Variants in EIF2A observed in about 807,000 individuals in gnomAD.
EIF2A encodes 65 kDa eukaryotic translation initiation factor 2A.
A neutral mutation model predicts 75.2 loss-of-function variants in EIF2A; 62 were observed. That is an observed-to-expected ratio of 0.82 (90% CI 0.67 to 1.02). The LOEUF (loss-of-function observed/expected upper bound fraction) is 1.02, where lower values mean the gene tolerates loss of function less well. EIF2A is among the 50% of genes least tolerant of loss of function. The pLI is 0.00. For missense variants in EIF2A, 611 were observed against 677.7 expected, an observed-to-expected ratio of 0.90 and a Z score of 1.09; for synonymous variants, 207 against 239.0, an observed-to-expected ratio of 0.87 and a Z score of 1.23.
intron 9 of EIF2A, among the ~76,000 whole-genome samples, chr3:150,571,242 C>T (rs543873291): frequency 5.9e-5 from 9 of 151,736 alleles, no homozygotes; most frequent in African/African-American, 1.9e-4. Flanking sequence ...CAGGTTCAAG[C>T]GCTTCTCCTG....
rs1724304736 is a variant in EIF2A, at chr3:150,568,305, G to C, written c.811+13G>C. 6.3e-7 allele frequency: 1 copy of C among 1,582,970 alleles called. No individual in the cohort carries two copies. The highest frequency in any genetic ancestry group is 1.4e-5 in the African/African-American group (1 of 73,902). ...GTAGTGCAATTACGTGAGTATTCCAGCAGTCTTCCTTTGATTAGAAACAAT... is the reference window on the plus strand; with the variant it reads ...GTAGTGCAATTACGTGAGTATTCCACCAGTCTTCCTTTGATTAGAAACAAT... On this transcript the variant is annotated intron_variant, in intron 9 of 13. Coordinates refer to ENST00000460851, the MANE Select transcript of EIF2A (RefSeq NM_032025.5).
In EIF2A at chr3:150,576,284, T is replaced by C. The variant is rs75453689; in HGVS notation, c.1497+522T>C. ...GAGACCCCCATCTCTATGAAAAATT[T>C]TTTGCTGGGCACAATGGCGTGTACC... On this transcript the variant is annotated intron_variant, in intron 11 of 13. Transcript: ENST00000460851. 3.0e-3 allele frequency among the ~76,000 whole-genome samples: 457 copies of C among 152,008 alleles called. 6 individuals are homozygous for C. Among genetic ancestry groups the C allele is most frequent in the African/African-American group, 0.01 (428 of 41,448 alleles).
intron 10 of EIF2A, among the ~76,000 whole-genome samples, chr3:150,573,662 G>A (rs1724676981): frequency 6.6e-6 from 1 of 152,082 alleles, no homozygotes; most frequent in East Asian, 1.9e-4. Context: ...TATATGCCCA[G>A]TAATTAGAAA....
chr3:150,574,678 T>C (rs1724754839), intron 10 of EIF2A, among the ~76,000 whole-genome samples: 1 of 152,240 alleles, frequency 6.6e-6, no homozygotes, highest in South Asian at 2.1e-4. Context: ...AAATAGTTAA[T>C]GCATTTGCTA....
At chr3:150,552,560 A>G (rs901439851) in intron 2 of EIF2A, 135 bp downstream of exon 2, 4 of 666,576 alleles carry the variant, frequency 6.0e-6, no homozygotes, top group African/African-American at 1.8e-5. Flanking sequence ...TTTACCGAAG[A>G]TGAAAAGAAT....
rs1384675599 is a variant in EIF2A, at chr3:150,575,499, G to A, written c.1384-150G>A. ...AAATCCATCCTGACAGTTGGAGTGT[G>A]CCACTACCAATGAGTTTCAAAATAA... On this transcript the variant is annotated intron_variant, in intron 10 of 13. Coordinates refer to ENST00000460851, the MANE Select transcript of EIF2A (RefSeq NM_032025.5). The A allele has an allele frequency of 6.9e-6, 4 of 583,484 alleles. No homozygotes were observed. In the East Asian group the frequency reaches 1.3e-4, roughly 19 times the overall value. 36.1% of individuals were successfully genotyped at this position (583,484 alleles called of 1,614,324 possible). A position where few individuals can be genotyped will look rare whatever the true frequency, so the allele number is the denominator to read the frequency against.
intron 4 of EIF2A, 53 bp downstream of exon 4, chr3:150,562,713 G>T: frequency 1.5e-6 from 2 of 1,361,606 alleles, no homozygotes; most frequent in South Asian, 2.5e-5. Flanking sequence ...TACGTTTAGT[G>T]GGGGGGAAAA....
intron 13 of EIF2A, 37 bp downstream of exon 13, chr3:150,583,302 C>A (rs1179906054): frequency 3.6e-5 from 57 of 1,583,110 alleles, no homozygotes; most frequent in Non-Finnish European, 4.8e-5. Flanking sequence ...TTGTGGTGAC[C>A]ACCAGCCTTC....
chr3:150,561,307 G>T (rs1200806412), intron 3 of EIF2A, among the ~76,000 whole-genome samples: 1 of 152,144 alleles, frequency 6.6e-6, no homozygotes, highest in Non-Finnish European at 1.5e-5. Context: ...GCCGGACACG[G>T]TGGCTCATAC....
rs1282535825 is a variant in EIF2A at position 150,567,899 on chromosome 3, T to C, written c.550-3T>C. On this transcript the variant is annotated splice_region_variant and splice_polypyrimidine_tract_variant and intron_variant, in intron 7 of 13. Transcript: ENST00000460851. ...AGTAATGATTTATGTCTATGTATCT[T>C]AGGTGGCTGTCTATGTTCCAGGAAG... 1.9e-6 allele frequency: 3 copies of C among 1,601,262 alleles called. No homozygotes were observed. The highest frequency in any genetic ancestry group is 2.5e-6 in the Non-Finnish European group (3 of 1,176,574).
At chr3:150,551,126 TA>T (rs1723293466) in intron 1 of EIF2A, among the ~76,000 whole-genome samples, 1 of 152,180 alleles carries the variant, frequency 6.6e-6, no homozygotes, top group African/African-American at 2.4e-5. Flanking sequence ...ACAAAACACT[TA>T]AGGATGCTTT....
chr3:150,574,670 AT>A (rs1243211826), intron 10 of EIF2A, among the ~76,000 whole-genome samples: 2 of 152,218 alleles, frequency 1.3e-5, no homozygotes, highest in Admixed American at 6.5e-5. Flanking sequence ...ATGACCTGAA[AT>A]AGTTAATGCA....
chr3:150,583,291 C>T (rs1364012992), intron 13 of EIF2A, 26 bp downstream of exon 13: 5 of 1,605,248 alleles, frequency 3.1e-6, no homozygotes, highest in African/African-American at 1.3e-5. Context: ...TTCATTTAGG[C>T]TTGTGGTGAC....
intron 4 of EIF2A, 162 bp downstream of exon 4, chr3:150,562,822 C>A: frequency 1.9e-6 from 1 of 522,732 alleles, no homozygotes; most frequent in Non-Finnish European, 3.4e-6. Flanking sequence ...TTGTACTCTC[C>A]AAATAAACAA....
rs139445104 is a variant in EIF2A at position 150,577,069 on chromosome 3, G to A, written c.1497+1307G>A. 2.3e-3 allele frequency among the ~76,000 whole-genome samples: 351 copies of A among 152,266 alleles called. 1 individual carries two copies. Among genetic ancestry groups the A allele is most frequent in the African/African-American group, 7.1e-3 (294 of 41,554 alleles). On this transcript the variant is annotated intron_variant, in intron 11 of 13. Transcript: ENST00000460851. ...TGCTCACAGTTCTAGAAGCTGGGGCGCTGGCAGATTTGGTATCTGGTGAGA... is the reference window on the plus strand; with the variant it reads ...TGCTCACAGTTCTAGAAGCTGGGGCACTGGCAGATTTGGTATCTGGTGAGA...
At chr3:150,580,830 T>C (rs1461112136) in intron 11 of EIF2A, among the ~76,000 whole-genome samples, 1 of 151,994 alleles carries the variant, frequency 6.6e-6, no homozygotes, top group South Asian at 2.1e-4. Flanking sequence ...TAGTGAAAAA[T>C]AGGTGGGGAG....
At chr3:150,559,912 T>C (rs376545313) in intron 3 of EIF2A, among the ~76,000 whole-genome samples, 1 of 152,224 alleles carries the variant, frequency 6.6e-6, no homozygotes, top group Non-Finnish European at 1.5e-5. Flanking sequence ...TCTTACTCTT[T>C]TTTTGTGTAA....
intron 2 of EIF2A, among the ~76,000 whole-genome samples, chr3:150,555,916 G>T (rs1366419129): frequency 6.6e-6 from 1 of 152,126 alleles, no homozygotes; most frequent in Non-Finnish European, 1.5e-5. Flanking sequence ...TTGGTCATGT[G>T]TGCAAAATTT....
intron 1 of EIF2A, 44 bp from the exon 2 acceptor site, chr3:150,552,312 T>A (rs1433853970): frequency 4.0e-6 from 6 of 1,498,422 alleles, no homozygotes; most frequent in Non-Finnish European, 5.4e-6. Context: ...AACTGAGTCT[T>A]TATTAACAAA....
Sources: gnomAD v4.1 joint callset for allele counts (sites outside exome capture counted in the v4.1 genomes callset) on GRCh38, gnomAD v4.1.1 for gene constraint, MANE v1.5 for transcripts, NCBI Gene and HGNC (gene_info 2026-07-23, HGNC 2026-07-21) for gene names.